Variants in EIF4G3 observed in about 807,000 individuals in gnomAD.
EIF4G3 encodes the protein eIF-4-gamma 3.
In EIF4G3, 34 loss-of-function variants were observed where a neutral mutation model predicts 186.4. That is an observed-to-expected ratio of 0.18 (90% confidence interval 0.14 to 0.24). The LOEUF (loss-of-function observed/expected upper bound fraction) is 0.24, where lower values mean the gene tolerates loss of function less well. Among genes scored for constraint, EIF4G3 ranks in the 10% least tolerant of loss-of-function variants. EIF4G3 has a pLI of 1.00. For synonymous variants in EIF4G3, 673 were observed against 679.5 expected, an observed-to-expected ratio of 0.99 and a Z score of 0.15; for missense variants, 1,536 against 1,948.5, an observed-to-expected ratio of 0.79 and a Z score of 3.99.
chr1:20,851,211 C>T (rs1187769422), intron 28 of EIF4G3, 47 bp downstream of exon 28: 3 of 1,564,030 alleles, frequency 1.9e-6, no homozygotes, highest in Admixed American at 3.6e-5. Flanking sequence ...ATTTTTCCTT[C>T]CAAATTTAAA....
chr1:20,819,671 C>A lies in EIF4G3; in HGVS notation c.4369-2133G>T, dbSNP rs117952425. Among the ~76,000 whole-genome samples the A allele has an allele frequency of 4.3e-3, 651 of 152,046 alleles. 25 individuals carry two copies. The East Asian group carries it at 0.091, about 21-fold the overall frequency. ...GACACATAGAGGGGAACAACACACA[C>A]GAACCTATCAGAGGGCAGAGGTTGG... On this transcript the variant is annotated intron_variant, in intron 33 of 36. Coordinates refer to ENST00000602326, the MANE Select transcript of EIF4G3 (RefSeq NM_001391906.1).
At chr1:20,829,961 G>A (rs1051152100) in intron 30 of EIF4G3, among the ~76,000 whole-genome samples, 3 of 152,134 alleles carry the variant, frequency 2.0e-5, no homozygotes, top group Non-Finnish European at 4.4e-5. Flanking sequence ...CTCTTATGTA[G>A]GCTAAAAATC....
chr1:21,027,518 T>C (rs547651676), intron 4 of EIF4G3, among the ~76,000 whole-genome samples: 2 of 151,730 alleles, frequency 1.3e-5, no homozygotes, highest in South Asian at 2.1e-4. Context: ...TAGTCCCAGA[T>C]ACTTGGGAGG....
intron 13 of EIF4G3, among the ~76,000 whole-genome samples, chr1:20,949,692 T>A (rs905435718): frequency 1.3e-5 from 2 of 152,166 alleles, no homozygotes; most frequent in Admixed American, 6.5e-5. Context: ...TCTTGTAAAG[T>A]AATATATGCT....
At chr1:20,925,387 T>C (rs1202024265) in intron 14 of EIF4G3, among the ~76,000 whole-genome samples, 1 of 152,208 alleles carries the variant, frequency 6.6e-6, no homozygotes, top group Non-Finnish European at 1.5e-5. Context: ...AAAACTAATA[T>C]AAATTATGAC....
At chr1:21,015,149 A>T (rs1174393933) in intron 4 of EIF4G3, among the ~76,000 whole-genome samples, 11 of 152,178 alleles carry the variant, frequency 7.2e-5, no homozygotes, top group Non-Finnish European at 1.5e-5. Context: ...ATTCACTAGA[A>T]GAGTACAAAA....
intron 4 of EIF4G3, among the ~76,000 whole-genome samples, chr1:21,016,734 G>C (rs1392899257): frequency 1.3e-5 from 2 of 151,938 alleles, no homozygotes; most frequent in East Asian, 3.9e-4. Flanking sequence ...GAGATAGGTG[G>C]TCAAGAGTTC....
Position 20,971,621 on chromosome 1 carries a change from T to G in EIF4G3, c.591+1381A>C, listed in dbSNP as rs567509735. On this transcript the variant is annotated intron_variant, in intron 11 of 36. Coordinates refer to ENST00000602326, the MANE Select transcript of EIF4G3 (RefSeq NM_001391906.1). ...GATAAAAACAAGTTTTAAACCAAAGTCTTGAACCTCACTATTATTTTCTTG... is the reference window on the plus strand; with the variant it reads ...GATAAAAACAAGTTTTAAACCAAAGGCTTGAACCTCACTATTATTTTCTTG... Among the ~76,000 whole-genome samples, 308 of 152,302 alleles carry G rather than the reference T, an allele frequency of 2.0e-3. 2 individuals are homozygous for G. Among genetic ancestry groups the G allele is most frequent in the African/African-American group, 6.9e-3 (287 of 41,562 alleles).
intron 15 of EIF4G3, among the ~76,000 whole-genome samples, chr1:20,904,665 A>G (rs1449921568): frequency 1.3e-5 from 2 of 152,212 alleles, no homozygotes; most frequent in African/African-American, 4.8e-5. Flanking sequence ...TTATTTTAAA[A>G]GAGGTATTTT....
intron 2 of EIF4G3, among the ~76,000 whole-genome samples, chr1:21,151,787 C>T (rs1439225989): frequency 6.6e-6 from 1 of 151,796 alleles, no homozygotes; most frequent in Non-Finnish European, 1.5e-5. Context: ...TCTTAGAATA[C>T]TAACAAAATT....
At chr1:20,820,129 C>T (rs2061971400) in intron 33 of EIF4G3, among the ~76,000 whole-genome samples, 1 of 152,140 alleles carries the variant, frequency 6.6e-6, no homozygotes, top group African/African-American at 2.4e-5. Context: ...AGGCAGGAGC[C>T]CTGCCCTCCC....
At chr1:20,980,789 T>C (rs1362076900) in intron 9 of EIF4G3, among the ~76,000 whole-genome samples, 5 of 152,152 alleles carry the variant, frequency 3.3e-5, no homozygotes, top group Admixed American at 6.5e-5. Flanking sequence ...TTTAGAGCAG[T>C]TGGTTGTGGC....
At chr1:20,943,974 T>TTGTGTGTGTG (rs1163268356) in intron 13 of EIF4G3, among the ~76,000 whole-genome samples, 22 of 62,534 alleles carry the variant, frequency 3.5e-4, no homozygotes, top group African/African-American at 1.1e-3. Flanking sequence ...TTTATTTTTT[T>TTGTGTGTGTG]TGTGTGTGTG....
intron 12 of EIF4G3, among the ~76,000 whole-genome samples, chr1:20,952,618 G>GCAGA (rs2096266335): frequency 1.3e-5 from 2 of 152,152 alleles, no homozygotes; most frequent in African/African-American, 4.8e-5. Context: ...GGAGGCCAAG[G>GCAGA]CAGACAGATC....
At chr1:21,057,131 T>C (rs2094597166) in intron 3 of EIF4G3, among the ~76,000 whole-genome samples, 1 of 152,186 alleles carries the variant, frequency 6.6e-6, no homozygotes, top group African/African-American at 2.4e-5. Context: ...GAAACAGTCA[T>C]GCCCTATGAC....
Position 20,813,201 on chromosome 1 carries a change from G to A in EIF4G3, c.4554C>T (p.Phe1518=), listed in dbSNP as rs2154543970. 3.1e-6 allele frequency: 5 copies of A among 1,613,734 alleles called. No individual in the cohort carries two copies. In the East Asian group the frequency reaches 6.7e-5, roughly 22 times the overall value. Residue 1518 remains phenylalanine, a synonymous_variant, in exon 35 of 37, where the codon TTC becomes TTT. Transcript: ENST00000602326. ...AAACAGCAGTCATTAAAGCTCTAAG[G>A]AATGTAGGTGAACTCATCTGGATTT... ...LDEIQMSSPT[F]LRALMTAVCK...
Position 20,947,679 on chromosome 1 carries a change from T to G in EIF4G3, c.823+2324A>C, listed in dbSNP as rs768258393. Among the ~76,000 whole-genome samples, 58 of 152,166 alleles carry G rather than the reference T, an allele frequency of 3.8e-4. 1 individual carries two copies. Among genetic ancestry groups the G allele is most frequent in the Admixed American group, 5.2e-4 (8 of 15,268 alleles). The stretch of plus-strand genomic sequence containing the variant: ...TAGTTTTCTGGTGAATAGTTGGTAC[T>G]AAAAGGAAGATAACAGTAATTCCAG... On this transcript the variant is annotated intron_variant, in intron 13 of 36. Coordinates refer to ENST00000602326, the MANE Select transcript of EIF4G3 (RefSeq NM_001391906.1).
At chr1:20,897,444 A>G (rs2088645593) in intron 16 of EIF4G3, among the ~76,000 whole-genome samples, 1 of 151,706 alleles carries the variant, frequency 6.6e-6, no homozygotes, top group African/African-American at 2.4e-5. Flanking sequence ...CACAAAACAC[A>G]GAAACAACTT....
intron 14 of EIF4G3, among the ~76,000 whole-genome samples, chr1:20,926,470 A>G (rs2094896838): frequency 6.6e-6 from 1 of 152,216 alleles, no homozygotes; most frequent in South Asian, 2.1e-4. Context: ...GCTTGAGGCC[A>G]GGAGTTAAAG....
Sources: allele counts gnomAD v4.1 joint callset (sites outside exome capture counted in the v4.1 genomes callset), GRCh38; gene constraint gnomAD v4.1.1; transcripts MANE v1.5; gene names NCBI Gene and HGNC (gene_info 2026-07-23, HGNC 2026-07-21).